The following BUB1B variants were observed in gnomAD, a reference collection of about 807,000 sequenced individuals.
The protein encoded by BUB1B is BUB1 mitotic checkpoint serine/threonine kinase B.
In BUB1B, 86 loss-of-function variants were observed where a neutral mutation model predicts 137.7. The ratio of observed to expected loss-of-function variants is 0.62; its 90% CI spans 0.52 to 0.75. The LOEUF is 0.75. Ranked by LOEUF, BUB1B falls within the 30% of genes least tolerant of loss-of-function variation. The pLI, the probability that BUB1B is intolerant of heterozygous loss-of-function variation, is 0.00. For missense variants in BUB1B, 1,130 were observed against 1,236.9 expected, an observed-to-expected ratio of 0.91 and a Z score of 1.30; for synonymous variants, 420 against 417.9, an observed-to-expected ratio of 1.00 and a Z score of -0.06.
chr15:40,181,163 C>T (rs944078654), intron 5 of BUB1B, among the ~76,000 whole-genome samples: 2 of 150,712 alleles, frequency 1.3e-5, no homozygotes, highest in African/African-American at 4.9e-5. Flanking sequence ...ACGATCTCAG[C>T]TCACAGCAAC....
chr15:40,208,506 C>G (rs998773609), intron 15 of BUB1B, 131 bp from the exon 16 acceptor site: 1 of 885,608 alleles, frequency 1.1e-6, no homozygotes, highest in Non-Finnish European at 1.7e-6. Context: ...CAGTTGTGCT[C>G]CAGCCTGGGT....
At chr15:40,178,673 G>T (rs1309952661) in intron 5 of BUB1B, among the ~76,000 whole-genome samples, 1 of 151,886 alleles carries the variant, frequency 6.6e-6, no homozygotes, top group Non-Finnish European at 1.5e-5. Flanking sequence ...GCCTCTTTGT[G>T]ATTTTGTCTA....
chr15:40,202,750 A>C, intron 14 of BUB1B, 56 bp downstream of exon 14: 1 of 1,468,154 alleles, frequency 6.8e-7, no homozygotes, highest in Non-Finnish European at 9.6e-7. Context: ...GTTTATTCAA[A>C]ACCACAAAAG....
intron 20 of BUB1B, among the ~76,000 whole-genome samples, chr15:40,216,567 ATATATTT>A (rs917145011): frequency 3.5e-5 from 2 of 57,594 alleles, no homozygotes; most frequent in Non-Finnish European, 6.5e-5. Context: ...ATATATATAT[ATATATTT>A]TTTTTTTTTT....
chr15:40,218,494 A>G lies in BUB1B; in HGVS notation c.2889A>G (p.Leu963=), dbSNP rs768869879. 8 of 1,613,966 alleles carry G rather than the reference A, an allele frequency of 5.0e-6. No individual in the cohort carries two copies. Among genetic ancestry groups the G allele is most frequent in the East Asian group, 2.2e-5 (1 of 44,882 alleles). Residue 963 remains leucine (L), a synonymous_variant, in exon 22 of 23, where the codon CTA becomes CTG. Coordinates refer to ENST00000287598, the MANE Select transcript of BUB1B (RefSeq NM_001211.6). ...GTATAGCAGATTTAGCACATTTACT[A>G]TTGTTCAAGGAACACCTACAGGTCT... is the stretch of plus-strand genomic sequence containing the variant. ...LFGIADLAHL[L]LFKEHLQVFW...
intron 20 of BUB1B, 61 bp downstream of exon 20, chr15:40,213,535 C>CA: frequency 7.0e-7 from 1 of 1,438,056 alleles, no homozygotes. Flanking sequence ...ATAGTTGCCA[C>CA]TTTTTTTTTT....
Position 40,199,625 on chromosome 15 carries a change from G to C in BUB1B, c.1299G>C (p.Leu433Phe), listed in dbSNP as rs753178226. Residue 433 changes from leucine (L) to phenylalanine (F), a missense_variant, in exon 10 of 23, where the codon TTG becomes TTC. Physicochemically the swap from Leu to Phe is conservative, Grantham distance 22. Transcript: ENST00000287598. The part of the protein sequence containing the change: ...KLKEQREAEL[L>F]TSAEKRAEMQ... ...CTTTACTGTTTCTAGCCGAGCTATT[G>C]ACCAGTGCAGAGAAGAGAGCAGAAA... 2.5e-6 allele frequency: 4 copies of C among 1,613,822 alleles called. No individual in the cohort carries two copies. In the Admixed American group the frequency reaches 5.0e-5, roughly 20 times the overall value.
intron 2 of BUB1B, among the ~76,000 whole-genome samples, chr15:40,168,235 C>T (rs961239500): frequency 3.3e-5 from 5 of 152,002 alleles, no homozygotes; most frequent in Admixed American, 6.6e-5. Context: ...GGCGTGGTGG[C>T]GCATGCCTGT....
chr15:40,165,230 A>T (rs17668261), intron 2 of BUB1B, 34 bp downstream of exon 2: 1 of 1,613,782 alleles, frequency 6.2e-7, no homozygotes, highest in South Asian at 1.1e-5. Flanking sequence ...ACCTGTCGTC[A>T]TTCATCCTAA....
chr15:40,200,066 T>G, intron 10 of BUB1B, 178 bp from the exon 11 acceptor site: 1 of 655,558 alleles, frequency 1.5e-6, no homozygotes, highest in Non-Finnish European at 2.7e-6. Flanking sequence ...CTCAGTTGAG[T>G]ACAACAGTAC....
chr15:40,217,855 T>C lies in BUB1B; in HGVS notation c.2850+188T>C, dbSNP rs1494533. On this transcript the variant is annotated intron_variant, in intron 21 of 22. Coordinates refer to ENST00000287598, the MANE Select transcript of BUB1B (RefSeq NM_001211.6). ...CAGCATTGAAGAATATACACATACA[T>C]GTGCAAACACATGACTAACTCTGTA... Among the ~76,000 whole-genome samples, 29,909 of 152,142 alleles carry C rather than the reference T, an allele frequency of 0.2. 3,677 individuals carry two copies. Among genetic ancestry groups the C allele is most frequent in the African/African-American group, 0.35 (14,527 of 41,448 alleles).
At chr15:40,193,099 G>T (rs1313586921) in intron 8 of BUB1B, among the ~76,000 whole-genome samples, 1 of 151,842 alleles carries the variant, frequency 6.6e-6, no homozygotes. Flanking sequence ...ATCTTCCTGC[G>T]TCAGCCTCCC....
chr15:40,163,040 G>A (rs1358087188), intron 1 of BUB1B, among the ~76,000 whole-genome samples: 1 of 152,102 alleles, frequency 6.6e-6, no homozygotes, highest in Non-Finnish European at 1.5e-5. Context: ...TGTCTGCATG[G>A]GTTTCCTTAG....
intron 2 of BUB1B, 62 bp from the exon 3 acceptor site, chr15:40,170,000 G>C: frequency 7.8e-7 from 1 of 1,289,958 alleles, no homozygotes; most frequent in Non-Finnish European, 1.1e-6. Context: ...AAATGGAAGT[G>C]ATACTTGTTC....
chr15:40,209,909 A>C, intron 17 of BUB1B, 134 bp downstream of exon 17: 1 of 1,136,512 alleles, frequency 8.8e-7, no homozygotes, highest in Non-Finnish European at 1.3e-6. Context: ...ATAGAGGATG[A>C]CACATCAGTA....
At chr15:40,217,711 A>G in intron 21 of BUB1B, 44 bp downstream of exon 21, 1 of 1,605,882 alleles carries the variant, frequency 6.2e-7, no homozygotes, top group Non-Finnish European at 8.5e-7. Context: ...AGGGTTTCTT[A>G]ATCTCTTTAT....
At chr15:40,161,311 G>A in intron 1 of BUB1B, 56 bp downstream of exon 1, 1 of 1,576,966 alleles carries the variant, frequency 6.3e-7, no homozygotes, top group African/African-American at 1.3e-5. Flanking sequence ...GGCCTGGTAG[G>A]TAATAGAAGG....
chr15:40,180,255 T>C (rs1367812419), intron 5 of BUB1B, among the ~76,000 whole-genome samples: 1 of 141,454 alleles, frequency 7.1e-6, no homozygotes, highest in Non-Finnish European at 1.5e-5. Flanking sequence ...TCGTTTCTTT[T>C]TTTTTTTTTT....
chr15:40,171,277 G>T (rs1397464545), intron 4 of BUB1B, among the ~76,000 whole-genome samples: 1 of 152,204 alleles, frequency 6.6e-6, no homozygotes, highest in African/African-American at 2.4e-5. Context: ...ACTGGGTGCA[G>T]TGTTTCATGT....
Sources: allele counts gnomAD v4.1 joint callset (sites outside exome capture counted in the v4.1 genomes callset), GRCh38; gene constraint gnomAD v4.1.1; transcripts MANE v1.5; gene names NCBI Gene and HGNC (gene_info 2026-07-23, HGNC 2026-07-21).